GRID1: variants seen among roughly 807,000 people sequenced by gnomAD.
The protein encoded by GRID1 is glutamate ionotropic receptor delta type subunit 1.
Under a neutral mutation model 98.0 loss-of-function variants are expected in GRID1, and 28 were observed. The observed-to-expected ratio is 0.29, with a 90% CI of 0.21 to 0.39. GRID1 has a LOEUF of 0.39. Among genes scored for constraint, GRID1 ranks in the 10% least tolerant of loss-of-function variants. The pLI is 1.00. For missense variants in GRID1, 1,111 were observed against 1,340.5 expected, an observed-to-expected ratio of 0.83 and a Z score of 2.67; for synonymous variants, 553 against 538.5, an observed-to-expected ratio of 1.03 and a Z score of -0.37.
At chr10:85,963,166 C>A (rs1842292563) in intron 4 of GRID1, among the ~76,000 whole-genome samples, 1 of 151,958 alleles carries the variant, frequency 6.6e-6, no homozygotes, top group African/African-American at 2.4e-5. Context: ...ACTTAGAAGG[C>A]TCATGGCTTT....
chr10:86,257,054 G>C (rs1445964119), intron 2 of GRID1, among the ~76,000 whole-genome samples: 1 of 152,188 alleles, frequency 6.6e-6, no homozygotes, highest in Admixed American at 6.5e-5. Context: ...TCCCTGCTGG[G>C]TTCCTCTGTA....
intron 8 of GRID1, among the ~76,000 whole-genome samples, chr10:85,814,812 T>A (rs1355478346): frequency 6.6e-6 from 1 of 151,998 alleles, no homozygotes; most frequent in African/African-American, 2.4e-5. Context: ...AAGGCCCTTA[T>A]AGTTTCACTG....
At chr10:86,179,319 C>A (rs1313202162) in intron 3 of GRID1, among the ~76,000 whole-genome samples, 1 of 152,060 alleles carries the variant, frequency 6.6e-6, no homozygotes, top group Non-Finnish European at 1.5e-5. Context: ...TCCCCTCCCT[C>A]CATCTTTCTC....
chr10:86,069,279 C>T (rs1469442912), intron 4 of GRID1, among the ~76,000 whole-genome samples: 1 of 152,134 alleles, frequency 6.6e-6, no homozygotes, highest in Non-Finnish European at 1.5e-5. Context: ...AATCAGAACC[C>T]AGCTTTCAGG....
intron 8 of GRID1, among the ~76,000 whole-genome samples, chr10:85,804,660 A>T (rs1325282318): frequency 6.6e-6 from 1 of 151,910 alleles, no homozygotes; most frequent in Non-Finnish European, 1.5e-5. Flanking sequence ...TAGAATTGCA[A>T]GGTTGTTTTA....
intron 8 of GRID1, among the ~76,000 whole-genome samples, chr10:85,804,362 T>G (rs1423140161): frequency 1.3e-5 from 2 of 151,874 alleles, no homozygotes; most frequent in Admixed American, 6.6e-5. Flanking sequence ...CCTGTAACAA[T>G]TAAAGATATT....
chr10:85,695,883 A>G (rs1487566930), intron 12 of GRID1, among the ~76,000 whole-genome samples: 1 of 152,134 alleles, frequency 6.6e-6, no homozygotes, highest in Non-Finnish European at 1.5e-5. Flanking sequence ...TATAAGAGAC[A>G]TTCGTGGCTT....
In GRID1 at chr10:86,007,530, A is replaced by C. The variant is rs527419219; in HGVS notation, c.727-91291T>G. On this transcript the variant is annotated intron_variant, in intron 4 of 15. Transcript: ENST00000327946. ...CACATTATCATAGAAACTGTACTGC[A>C]CATGTGCCAAAGCGAGATGTCAGGA... 7.4e-4 allele frequency among the ~76,000 whole-genome samples: 113 copies of C among 152,396 alleles called. No homozygotes were observed. In the Middle Eastern group the frequency reaches 0.01, roughly 14 times the overall value.
At chr10:86,272,642 C>G (rs1331826967) in intron 2 of GRID1, among the ~76,000 whole-genome samples, 2 of 152,334 alleles carry the variant, frequency 1.3e-5, no homozygotes, top group African/African-American at 4.8e-5. Context: ...ACAGGCATTA[C>G]TCACAACATT....
chr10:86,034,692 T>G (rs1457088213), intron 4 of GRID1, among the ~76,000 whole-genome samples: 3 of 151,918 alleles, frequency 2.0e-5, no homozygotes, highest in Admixed American at 6.6e-5. Context: ...TATCATGTGA[T>G]TACAATTACA....
intron 2 of GRID1, among the ~76,000 whole-genome samples, chr10:86,289,241 T>A (rs1847477583): frequency 2.0e-5 from 3 of 151,914 alleles, no homozygotes; most frequent in Admixed American, 6.6e-5. Flanking sequence ...GCCCCAGCCA[T>A]GAAAAACAGA....
At chr10:86,341,815 T>C (rs1404716249) in intron 2 of GRID1, among the ~76,000 whole-genome samples, 2 of 152,152 alleles carry the variant, frequency 1.3e-5, no homozygotes, top group Non-Finnish European at 2.9e-5. Context: ...GTTTCCAGGC[T>C]CAAGAGCTGT....
intron 8 of GRID1, among the ~76,000 whole-genome samples, chr10:85,768,287 A>C (rs572238852): frequency 1.3e-5 from 2 of 152,226 alleles, no homozygotes; most frequent in African/African-American, 4.8e-5. Flanking sequence ...CCAAAAAATC[A>C]AGGATTTAAA....
At chr10:86,363,669 C>T (rs1369039583) in intron 2 of GRID1, among the ~76,000 whole-genome samples, 1 of 152,162 alleles carries the variant, frequency 6.6e-6, no homozygotes, top group Non-Finnish European at 1.5e-5. Context: ...GGCGCACACC[C>T]GCGCCCACAC....
At chr10:85,735,879 T>C (rs1173096082) in intron 8 of GRID1, among the ~76,000 whole-genome samples, 1 of 58,272 alleles carries the variant, frequency 1.7e-5, no homozygotes, top group African/African-American at 7.1e-5. Flanking sequence ...GAGAGAAGGA[T>C]GGAGGGAGGG....
rs569902735 is a variant in GRID1, at chr10:86,116,110, C to T, written c.726+22709G>A. ...TATGGGGTTCGTACAATGATGACAT[C>T]GCCTAACAATGCATTTCTCAGGATG... On this transcript the variant is annotated intron_variant, in intron 4 of 15. Coordinates refer to ENST00000327946, the MANE Select transcript of GRID1 (RefSeq NM_017551.3). Among the ~76,000 whole-genome samples, 9 of 152,236 alleles carry T rather than the reference C, an allele frequency of 5.9e-5. No homozygotes were observed. In the South Asian group the frequency reaches 1.0e-3, roughly 18 times the overall value.
At chr10:85,856,400 G>A (rs914526146) in intron 6 of GRID1, among the ~76,000 whole-genome samples, 3 of 152,196 alleles carry the variant, frequency 2.0e-5, no homozygotes, top group Admixed American at 2.0e-4. Context: ...CCTGCCTCAG[G>A]AACTAGAGTG....
intron 2 of GRID1, among the ~76,000 whole-genome samples, chr10:86,276,815 G>A (rs954056316): frequency 6.6e-6 from 1 of 151,924 alleles, no homozygotes; most frequent in Non-Finnish European, 1.5e-5. Context: ...CATCCAATTT[G>A]TCATCAGAAA....
At chr10:86,180,923 G>A (rs1225802776) in intron 3 of GRID1, among the ~76,000 whole-genome samples, 1 of 152,248 alleles carries the variant, frequency 6.6e-6, no homozygotes, top group East Asian at 1.9e-4. Context: ...TGGGCTCAGG[G>A]AAGGCTAACC....
Sources: gnomAD v4.1 joint callset for allele counts (sites outside exome capture counted in the v4.1 genomes callset) on GRCh38, gnomAD v4.1.1 for gene constraint, MANE v1.5 for transcripts, NCBI Gene and HGNC (gene_info 2026-07-23, HGNC 2026-07-21) for gene names.